FOXP1: variants seen among roughly 807,000 people sequenced by gnomAD.
FOXP1 encodes the protein forkhead box P1, also known as forkhead box protein P1.
A neutral mutation model predicts 98.2 loss-of-function variants in FOXP1; 15 were observed. The ratio of observed to expected loss-of-function variants is 0.15; its 90% CI spans 0.10 to 0.24. FOXP1 has a LOEUF of 0.24. FOXP1 is among the 10% of genes least tolerant of loss of function. The pLI is 1.00. For synonymous variants in FOXP1, 371 were observed against 314.5 expected (o/e 1.18, Z -1.90); for missense variants, 633 against 848.5 (o/e 0.75, Z 3.15).
At chr3:71,286,254 A>G (rs1302046957) in intron 5 of FOXP1, among the ~76,000 whole-genome samples, 3 of 152,068 alleles carry the variant, frequency 2.0e-5, no homozygotes, top group African/African-American at 7.2e-5. Context: ...TTGATTGGCC[A>G]TTTGGGGATT....
chr3:71,117,178 C>A (rs780714883), intron 6 of FOXP1, among the ~76,000 whole-genome samples: 2 of 152,098 alleles, frequency 1.3e-5, no homozygotes, highest in Non-Finnish European at 2.9e-5. Flanking sequence ...GCCTTGACCT[C>A]CTGGGCTCAA....
chr3:71,037,272 C>T (rs1297714810), intron 11 of FOXP1, among the ~76,000 whole-genome samples: 1 of 152,146 alleles, frequency 6.6e-6, no homozygotes, highest in African/African-American at 2.4e-5. Flanking sequence ...TAGGCAATTA[C>T]TTAAGTAGTA....
chr3:71,081,852 A>G (rs2054457409), intron 7 of FOXP1, among the ~76,000 whole-genome samples: 1 of 152,286 alleles, frequency 6.6e-6, no homozygotes, highest in Admixed American at 6.5e-5. Flanking sequence ...CAGTAGTCAC[A>G]AATGGCTATC....
At chr3:71,364,106 C>G (rs1306501387) in intron 3 of FOXP1, among the ~76,000 whole-genome samples, 2 of 152,168 alleles carry the variant, frequency 1.3e-5, no homozygotes, top group Admixed American at 6.5e-5. Flanking sequence ...AGGCGCGTGC[C>G]ATCACACCCG....
At chr3:71,521,548 G>T (rs545378764) in intron 2 of FOXP1, among the ~76,000 whole-genome samples, 2 of 150,790 alleles carry the variant, frequency 1.3e-5, no homozygotes, top group African/African-American at 4.9e-5. Flanking sequence ...GGCAGGGGGA[G>T]GGGGGGGACC....
At chr3:71,026,686 T>G (rs1002723157) in intron 11 of FOXP1, among the ~76,000 whole-genome samples, 2 of 152,204 alleles carry the variant, frequency 1.3e-5, no homozygotes, top group African/African-American at 4.8e-5. Context: ...CTGGCAGTTA[T>G]TTTCATCACT....
At chr3:71,501,296 T>TTC (rs202086907) in intron 2 of FOXP1, among the ~76,000 whole-genome samples, 223 of 83,030 alleles carry the variant, frequency 2.7e-3, no homozygotes, top group African/African-American at 6.4e-3. Context: ...TGCTTTTCTT[T>TTC]TTTTTTTTTT....
chr3:71,351,968 T>C (rs967445719), intron 4 of FOXP1, among the ~76,000 whole-genome samples: 4 of 152,210 alleles, frequency 2.6e-5, no homozygotes, highest in Admixed American at 2.0e-4. Context: ...ACACTTTTAT[T>C]TCCCATAGCT....
Position 70,955,735 on chromosome 3 carries a change from A to G in FOXP1, c.*3512T>C, listed in dbSNP as rs1317549375. ...AAACAACATTTTTTTTTCTTTTCAA[A>G]TGTATGAACTTGTTTAAGATAGCCA... On this transcript the variant is annotated 3_prime_UTR_variant, in exon 21 of 21. Coordinates refer to ENST00000649528, the MANE Select transcript of FOXP1 (RefSeq NM_001349338.3). The G allele has an allele frequency of 3.4e-5, 8 of 233,404 alleles. No homozygotes were observed. The highest frequency in any genetic ancestry group is 5.9e-5 in the Non-Finnish European group (7 of 118,026). 14.5% of individuals were successfully genotyped at this position (233,404 alleles called of 1,614,324 possible). A position where few individuals can be genotyped will look rare whatever the true frequency, so the allele number is the denominator to read the frequency against.
At chr3:71,193,142 GTTGTTT>G (rs1163303041) in intron 6 of FOXP1, among the ~76,000 whole-genome samples, 2 of 151,042 alleles carry the variant, frequency 1.3e-5, no homozygotes, top group East Asian at 3.9e-4. Flanking sequence ...TGTTGTTGTT[GTTGTTT>G]ATTTGTGTTT....
intron 6 of FOXP1, among the ~76,000 whole-genome samples, chr3:71,123,501 AT>A (rs1349039333): frequency 6.6e-6 from 1 of 152,172 alleles, no homozygotes; most frequent in Non-Finnish European, 1.5e-5. Context: ...CCAAGGTTGG[AT>A]TTTTTTCAAA....
intron 3 of FOXP1, among the ~76,000 whole-genome samples, chr3:71,489,036 C>T (rs145942408): frequency 8.1e-4 from 123 of 152,322 alleles, no homozygotes; most frequent in African/African-American, 2.8e-3. Flanking sequence ...CAGAAAGGAA[C>T]CCTGTCGGCT....
intron 6 of FOXP1, among the ~76,000 whole-genome samples, chr3:71,116,758 A>G (rs1352307808): frequency 6.6e-6 from 1 of 152,260 alleles, no homozygotes; most frequent in African/African-American, 2.4e-5. Flanking sequence ...TCCATGATCT[A>G]TAAATCACTG....
intron 3 of FOXP1, among the ~76,000 whole-genome samples, chr3:71,386,898 C>A (rs1209833023): frequency 1.3e-5 from 2 of 152,054 alleles, no homozygotes; most frequent in African/African-American, 4.8e-5. Flanking sequence ...TTACTGAATT[C>A]TTTACTCCTT....
At chr3:71,382,752 A>G (rs544329129) in intron 3 of FOXP1, among the ~76,000 whole-genome samples, 86 of 152,326 alleles carry the variant, frequency 5.6e-4, no homozygotes, top group Non-Finnish European at 1.1e-3. Context: ...ACACTCTTTA[A>G]GCCTGCCTTT....
intron 6 of FOXP1, among the ~76,000 whole-genome samples, chr3:71,151,520 C>T (rs527718246): frequency 6.6e-6 from 1 of 151,960 alleles, no homozygotes; most frequent in African/African-American, 2.4e-5. Flanking sequence ...GTAAAAGTAA[C>T]CACTTGGGAA....
intron 5 of FOXP1, among the ~76,000 whole-genome samples, chr3:71,260,310 C>T (rs758497764): frequency 2.6e-5 from 4 of 151,922 alleles, no homozygotes; most frequent in African/African-American, 4.8e-5. Context: ...AGGGAAGGCT[C>T]GGGGCGCGGG....
intron 3 of FOXP1, among the ~76,000 whole-genome samples, chr3:71,465,309 GAAAAAAA>G (rs869106717): frequency 3.6e-5 from 4 of 112,190 alleles, no homozygotes; most frequent in Non-Finnish European, 7.3e-5. Context: ...CTCTGTCTCA[GAAAAAAA>G]AAAAAAAAAA....
Position 70,957,554 on chromosome 3 carries a change from T to G in FOXP1, c.*1693A>C, listed in dbSNP as rs565917721. ...AAAGGTACAAAGAAAGAATATAAAT[T>G]AAGCTTCGAAAGGCTCTCGAACTAA... On this transcript the variant is annotated 3_prime_UTR_variant, in exon 21 of 21. Coordinates refer to ENST00000649528, the MANE Select transcript of FOXP1 (RefSeq NM_001349338.3). 7 of 232,034 alleles carry G rather than the reference T, an allele frequency of 3.0e-5. No homozygotes were observed. The South Asian group carries it at 5.4e-4, about 18-fold the overall frequency. 14.4% of individuals were successfully genotyped at this position (232,034 alleles called of 1,614,324 possible).
Sources: allele counts gnomAD v4.1 joint callset (sites outside exome capture counted in the v4.1 genomes callset), GRCh38; gene constraint gnomAD v4.1.1; transcripts MANE v1.5; gene names NCBI Gene and HGNC (gene_info 2026-07-23, HGNC 2026-07-21).